The following ERGIC1 variants were observed in gnomAD, a reference collection of about 807,000 sequenced individuals.
ERGIC1 encodes the protein endoplasmic reticulum-golgi intermediate compartment 1, also known as endoplasmic reticulum-Golgi intermediate compartment protein 1.
A neutral mutation model predicts 38.3 loss-of-function variants in ERGIC1; 19 were observed. The ratio of observed to expected loss-of-function variants is 0.50; its 90% CI spans 0.35 to 0.73. The LOEUF (loss-of-function observed/expected upper bound fraction) is 0.73, where lower values mean the gene tolerates loss of function less well. ERGIC1 is among the 30% of genes least tolerant of loss of function. The pLI is 0.01. For missense variants in ERGIC1, 294 were observed against 389.2 expected (o/e 0.76, Z 2.06); for synonymous variants, 124 against 157.6 (o/e 0.79, Z 1.60).
At chr5:172,864,206 A>G (rs1761792007) in intron 1 of ERGIC1, among the ~76,000 whole-genome samples, 1 of 151,814 alleles carries the variant, frequency 6.6e-6, no homozygotes. Flanking sequence ...CAAAACACAA[A>G]CAAACAAACA....
At chr5:172,879,443 G>C (rs1342471757) in intron 1 of ERGIC1, among the ~76,000 whole-genome samples, 1 of 152,216 alleles carries the variant, frequency 6.6e-6, no homozygotes, top group Non-Finnish European at 1.5e-5. Flanking sequence ...TAAGGCGTGA[G>C]GAAGCTAGAG....
At chr5:172,888,624 G>C in intron 1 of ERGIC1, 75 bp from the exon 2 acceptor site, 3 of 1,181,436 alleles carry the variant, frequency 2.5e-6, no homozygotes, top group Non-Finnish European at 3.8e-6. Context: ...TGTCACACAA[G>C]CCAGCACCAC....
intron 1 of ERGIC1, among the ~76,000 whole-genome samples, chr5:172,847,389 G>A (rs375554806): frequency 4.6e-4 from 70 of 152,300 alleles, no homozygotes; most frequent in Admixed American, 2.1e-3. Flanking sequence ...GCTTTCATGA[G>A]CATGTTAATA....
intron 1 of ERGIC1, among the ~76,000 whole-genome samples, chr5:172,841,480 C>T (rs1761160235): frequency 2.0e-5 from 3 of 152,232 alleles, no homozygotes; most frequent in African/African-American, 7.2e-5. Flanking sequence ...GGCAGCACAG[C>T]TACACAGGAA....
In ERGIC1 at chr5:172,926,490, T is replaced by C. The variant is rs760341434; in HGVS notation, c.481-19T>C. 3.1e-6 allele frequency: 5 copies of C among 1,613,580 alleles called. No individual in the cohort carries two copies. The Admixed American group carries it at 8.3e-5, about 27-fold the overall frequency. On this transcript the variant is annotated intron_variant, in intron 6 of 9. Coordinates refer to ENST00000393784, the MANE Select transcript of ERGIC1 (RefSeq NM_001031711.3). The surrounding 1 kb of genome is among the most constrained non-coding windows in gnomAD (Gnocchi z 5.2). Reference sequence around the variant, plus strand: ...TGGAGGTGTCCTGGGGACCATCCCCTCACTGCATTTTTCCACAGGTCCAGA... The same window carrying C: ...TGGAGGTGTCCTGGGGACCATCCCCCCACTGCATTTTTCCACAGGTCCAGA...
chr5:172,841,435 C>T (rs1761159180), intron 1 of ERGIC1, among the ~76,000 whole-genome samples: 1 of 152,224 alleles, frequency 6.6e-6, no homozygotes, highest in African/African-American at 2.4e-5. Flanking sequence ...AATCCTCATG[C>T]CCTTGACAAT....
chr5:172,895,468 C>T (rs1216932862), intron 2 of ERGIC1, among the ~76,000 whole-genome samples: 1 of 145,108 alleles, frequency 6.9e-6, no homozygotes, highest in Admixed American at 7.0e-5. Context: ...CGTATTCAGC[C>T]CTCATTTTGT....
intron 9 of ERGIC1, among the ~76,000 whole-genome samples, chr5:172,943,223 T>A (rs1169307936): frequency 6.6e-6 from 1 of 152,056 alleles, no homozygotes; most frequent in Non-Finnish European, 1.5e-5. Flanking sequence ...CAAAGTGAGG[T>A]TCTTGCGAGG....
rs574963784 is a variant in ERGIC1, at chr5:172,951,795, G to C, written c.*979G>C. 1.3e-5 allele frequency: 2 copies of C among 152,458 alleles called. No homozygotes were observed. The highest frequency in any genetic ancestry group is 4.1e-4 in the South Asian group (2 of 4,832). 9.4% of individuals were successfully genotyped at this position (152,458 alleles called of 1,614,324 possible). ...AAAATAATCATGCAGCCTCTCAGACGGACGCCATCGGTCCCAAGGCCTTAG... is the reference window on the plus strand; with the variant it reads ...AAAATAATCATGCAGCCTCTCAGACCGACGCCATCGGTCCCAAGGCCTTAG... On this transcript the variant is annotated 3_prime_UTR_variant, in exon 10 of 10. Transcript: ENST00000393784.
At chr5:172,839,894 A>G (rs1414914868) in intron 1 of ERGIC1, among the ~76,000 whole-genome samples, 1 of 152,202 alleles carries the variant, frequency 6.6e-6, no homozygotes, top group African/African-American at 2.4e-5. Context: ...ATTTGGCACC[A>G]GAGCTCCACT....
chr5:172,930,382 G>A (rs1036151688), intron 7 of ERGIC1, among the ~76,000 whole-genome samples: 18 of 149,252 alleles, frequency 1.2e-4, no homozygotes, highest in Non-Finnish European at 2.2e-4. Context: ...ATGGAGTCTC[G>A]CTCTGTTGCC....
At chr5:172,836,511 G>C (rs905478487) in intron 1 of ERGIC1, among the ~76,000 whole-genome samples, 4 of 152,170 alleles carry the variant, frequency 2.6e-5, no homozygotes, top group African/African-American at 9.7e-5. Flanking sequence ...CACCTTGGAG[G>C]ATGAGCCATG....
In ERGIC1 at chr5:172,902,951, C is replaced by T. The variant is rs189599290; in HGVS notation, c.155+5877C>T. Among the ~76,000 whole-genome samples, 391 of 152,242 alleles carry T rather than the reference C, an allele frequency of 2.6e-3. 2 individuals are homozygous for T. Among genetic ancestry groups the T allele is most frequent in the African/African-American group, 9.0e-3 (372 of 41,534 alleles). The stretch of plus-strand genomic sequence containing the variant: ...CTCAGACTAGAATTTCAAGGCCCTC[C>T]ACCACATTCCATTTACACTCCCCCC... On this transcript the variant is annotated intron_variant, in intron 3 of 9. Transcript: ENST00000393784.
chr5:172,912,734 C>T (rs1033119962), intron 4 of ERGIC1, among the ~76,000 whole-genome samples: 8 of 151,744 alleles, frequency 5.3e-5, no homozygotes, highest in Admixed American at 2.0e-4. Context: ...GAGTCTAGCA[C>T]GTAGTAAGTG....
chr5:172,843,918 T>C (rs1257217511), intron 1 of ERGIC1, among the ~76,000 whole-genome samples: 4 of 152,216 alleles, frequency 2.6e-5, no homozygotes, highest in African/African-American at 4.8e-5. Flanking sequence ...GATGAGCTCA[T>C]GTGGAATGTG....
chr5:172,854,029 C>T (rs1445795607), intron 1 of ERGIC1, among the ~76,000 whole-genome samples: 1 of 152,198 alleles, frequency 6.6e-6, no homozygotes, highest in African/African-American at 2.4e-5. Context: ...TCATCTCCTT[C>T]GAAGTGGGAG....
At chr5:172,912,081 T>C (rs1228010732) in intron 4 of ERGIC1, among the ~76,000 whole-genome samples, 1 of 151,832 alleles carries the variant, frequency 6.6e-6, no homozygotes, top group Non-Finnish European at 1.5e-5. Context: ...AGTTTCTTTT[T>C]TTTTTTTTTT....
intron 1 of ERGIC1, among the ~76,000 whole-genome samples, chr5:172,864,781 G>GCACAGTGCTGAA (rs1554107756): frequency 3.3e-5 from 5 of 151,680 alleles, no homozygotes; most frequent in Non-Finnish European, 7.4e-5. Flanking sequence ...TATATGCTGG[G>GCACAGTGCTGAA]CACAGTGCTG....
chr5:172,914,699 C>G lies in ERGIC1; in HGVS notation c.251-15C>G. 1 of 1,614,018 alleles carries G rather than the reference C, an allele frequency of 6.2e-7. No homozygotes were observed. ...CTCTGGGTTTGTGACTGTTGTCTCCCTTTGGCTCCTGCAGTGGTTGGGCTT... is the reference window on the plus strand; with the variant it reads ...CTCTGGGTTTGTGACTGTTGTCTCCGTTTGGCTCCTGCAGTGGTTGGGCTT... On this transcript the variant is annotated splice_polypyrimidine_tract_variant and intron_variant, in intron 4 of 9. Coordinates refer to ENST00000393784, the MANE Select transcript of ERGIC1 (RefSeq NM_001031711.3).
Sources: allele counts gnomAD v4.1 joint callset (sites outside exome capture counted in the v4.1 genomes callset), GRCh38; gene constraint gnomAD v4.1.1; non-coding constraint Gnocchi (gnomAD v3.1); transcripts MANE v1.5; gene names NCBI Gene and HGNC (gene_info 2026-07-23, HGNC 2026-07-21).